CCDC14: variants seen among roughly 807,000 people sequenced by gnomAD.
CCDC14 encodes the protein coiled-coil domain containing 14, also known as coiled-coil domain-containing protein 14.
CCDC14 carries 71 observed loss-of-function variants against 81.4 expected under a neutral mutation model. The observed-to-expected ratio is 0.87, with a 90% CI of 0.72 to 1.06. The LOEUF (loss-of-function observed/expected upper bound fraction) is 1.06. CCDC14 is among the 50% of genes least tolerant of loss of function. The pLI is 0.00. For synonymous variants in CCDC14, 332 were observed against 364.8 expected (o/e 0.91, Z 1.03); for missense variants, 1,046 against 1,047.3 (o/e 1.00, Z 0.02).
Position 123,915,101 on chromosome 3 carries a change from C to A in CCDC14, c.2396G>T (p.Arg799Ile), listed in dbSNP as rs1466271415. 7.4e-6 allele frequency: 12 copies of A among 1,613,842 alleles called. No homozygotes were observed. Among genetic ancestry groups the A allele is most frequent in the African/African-American group, 1.3e-5 (1 of 74,938 alleles). Residue 799 changes from arginine to isoleucine, a missense_variant, in exon 13 of 13, where the codon AGA becomes ATA. By Grantham distance (97) the Arg-to-Ile change is moderately conservative (BLOSUM62 -3). Transcript: ENST00000409697. Reference protein sequence around the residue: ...EAEDAPEKLSRASDMKDTQLL... With the variant: ...EAEDAPEKLSIASDMKDTQLL... ...CTGTGTGTCCTTCATATCAGATGCT[C>A]TGGAAAGTTTTTCAGGTGCATCTTC...
At chr3:123,898,529 G>C (rs2148755699) in intron 5 of CCDC14, among the ~76,000 whole-genome samples, 1 of 152,318 alleles carries the variant, frequency 6.6e-6, no homozygotes, top group Non-Finnish European at 1.5e-5. Context: ...AGCCAAGGCA[G>C]ACATGATGAG....
At chr3:123,885,758 G>A in the CCDC14 span, among the ~76,000 whole-genome samples, 35 of 152,074 alleles carry the variant, frequency 2.3e-4, no homozygotes, top group African/African-American at 8.2e-4. Context: ...GCTCTTTTTT[G>A]AGGTTAACAG....
chr3:123,960,152 C>A lies in CCDC14; in HGVS notation c.30+992G>T, dbSNP rs547849626. Among the ~76,000 whole-genome samples, 10 of 152,300 alleles carry A rather than the reference C, an allele frequency of 6.6e-5. No homozygotes were observed. The East Asian group carries it at 1.9e-3, about 29-fold the overall frequency. On this transcript the variant is annotated intron_variant, in intron 1 of 12. Coordinates refer to ENST00000409697, the MANE Select transcript of CCDC14 (RefSeq NM_001366335.1). ...TTGCTTTATTTTACACTTACTTCTA[C>A]GAGGTTATTATCATTAAACTTTTAA... is the stretch of plus-strand genomic sequence containing the variant.
chr3:123,914,404 C>T lies in CCDC14; in HGVS notation c.*375G>A. ...GAAAAAAAAAACCCTCTAGTTTCAACAGAAAAACTTACATCCAGAGATTCT... is the reference window on the plus strand; with the variant it reads ...GAAAAAAAAAACCCTCTAGTTTCAATAGAAAAACTTACATCCAGAGATTCT... On this transcript the variant is annotated 3_prime_UTR_variant, in exon 13 of 13. Coordinates refer to ENST00000409697, the MANE Select transcript of CCDC14 (RefSeq NM_001366335.1). 1.0e-6 allele frequency: 1 copy of T among 986,292 alleles called. No homozygotes were observed. The highest frequency in any genetic ancestry group is 1.2e-6 in the Non-Finnish European group (1 of 830,870). The allele number at this position is 986,292 out of a possible 1,614,324, so 61.1% of individuals were successfully genotyped here.
chr3:123,915,822 G>A, intron 12 of CCDC14, 104 bp from the exon 13 acceptor site: 4 of 851,862 alleles, frequency 4.7e-6, no homozygotes, highest in South Asian at 4.2e-5. Flanking sequence ...AGAAGTGTCT[G>A]GTTCTTAATA....
intron 5 of CCDC14, chr3:123,955,253 A>G (rs1207119177): frequency 6.6e-6 from 1 of 152,060 alleles, no homozygotes; most frequent in Non-Finnish European, 1.5e-5. Context: ...ATTTTGGGCT[A>G]TCTTGTTTTC....
intron 9 of CCDC14, among the ~76,000 whole-genome samples, chr3:123,938,579 C>T (rs1016138995): frequency 2.0e-5 from 3 of 151,858 alleles, no homozygotes; most frequent in Non-Finnish European, 2.9e-5. Flanking sequence ...TCCAATGTGG[C>T]TGGCTTTTAT....
At chr3:123,911,911 G>A (rs2034454993), downstream of CCDC14, among the ~76,000 whole-genome samples, 1 of 152,134 alleles carries the variant, frequency 6.6e-6, no homozygotes, top group South Asian at 2.1e-4. Flanking sequence ...GCCACCATCA[G>A]TGAAAATAAA....
At chr3:123,919,655 C>G (rs1346518392) in intron 12 of CCDC14, among the ~76,000 whole-genome samples, 6 of 152,208 alleles carry the variant, frequency 3.9e-5, no homozygotes, top group Admixed American at 3.9e-4. Context: ...CCTCAAAGCA[C>G]AGGTAGCAGC....
At chr3:123,960,444 A>T (rs1206234753) in intron 1 of CCDC14, among the ~76,000 whole-genome samples, 2 of 152,214 alleles carry the variant, frequency 1.3e-5, no homozygotes, top group Non-Finnish European at 2.9e-5. Flanking sequence ...TCTTGTTTCC[A>T]CAGCTGTGTA....
At chr3:123,938,210 T>C (rs1268203514) in intron 9 of CCDC14, among the ~76,000 whole-genome samples, 3 of 151,890 alleles carry the variant, frequency 2.0e-5, no homozygotes, top group African/African-American at 7.2e-5. Flanking sequence ...ATAAAATCTA[T>C]ACATCAATTT....
intron 5 of CCDC14, among the ~76,000 whole-genome samples, chr3:123,905,030 G>T (rs911588646): frequency 2.6e-5 from 4 of 152,110 alleles, no homozygotes; most frequent in Admixed American, 2.0e-4. Flanking sequence ...AGAATAAACA[G>T]ACCCACAGAT....
chr3:123,892,827 C>T (rs776786293), downstream of CCDC14, among the ~76,000 whole-genome samples: 23 of 151,366 alleles, frequency 1.5e-4, no homozygotes, highest in African/African-American at 3.6e-4. Context: ...TTTTTTGAGA[C>T]GGAGTCTTGC....
At chr3:123,952,620 A>T (rs776623361) in intron 5 of CCDC14, 2 of 530,682 alleles carry the variant, frequency 3.8e-6, no homozygotes, top group Non-Finnish European at 7.8e-6. Flanking sequence ...TTCAGTGATC[A>T]GGTAGGCATT....
At chr3:123,905,437 GGGCT>G (rs1197593213) in intron 5 of CCDC14, among the ~76,000 whole-genome samples, 20 of 152,322 alleles carry the variant, frequency 1.3e-4, no homozygotes, top group African/African-American at 4.8e-4. Context: ...CCTTACGGCA[GGGCT>G]TGAAGAGCGG....
At chr3:123,892,723 A>G (rs916507640), downstream of CCDC14, among the ~76,000 whole-genome samples, 1 of 27,596 alleles carries the variant, frequency 3.6e-5, no homozygotes, top group African/African-American at 9.9e-5. Flanking sequence ...ACAAATTCAA[A>G]CCATTTCACA....
chr3:123,918,404 A>G (rs766369980), intron 12 of CCDC14, among the ~76,000 whole-genome samples: 3 of 152,184 alleles, frequency 2.0e-5, no homozygotes, highest in African/African-American at 4.8e-5. Context: ...ATCTCCAGCA[A>G]GATGGTGGAA....
At chr3:123,948,028 T>C (rs1209209812) in intron 7 of CCDC14, among the ~76,000 whole-genome samples, 2 of 152,076 alleles carry the variant, frequency 1.3e-5, no homozygotes, top group Non-Finnish European at 2.9e-5. Flanking sequence ...CTTATAACTT[T>C]ATTTTAAAAG....
intron 12 of CCDC14, 200 bp downstream of exon 12, chr3:123,930,901 TA>T: frequency 1.9e-6 from 1 of 516,532 alleles, no homozygotes; most frequent in Non-Finnish European, 3.3e-6. Context: ...CACATGGTTT[TA>T]AAAAAACATT....
Sources: allele counts gnomAD v4.1 joint callset (sites outside exome capture counted in the v4.1 genomes callset), GRCh38; gene constraint gnomAD v4.1.1; transcripts MANE v1.5; gene names NCBI Gene and HGNC (gene_info 2026-07-23, HGNC 2026-07-21).